The following ARHGAP44 variants were observed in gnomAD, a reference collection of about 807,000 sequenced individuals.
ARHGAP44 encodes the protein Rho GTPase activating protein 44.
ARHGAP44 carries 43 observed loss-of-function variants against 106.8 expected under a neutral mutation model. That is an observed-to-expected ratio of 0.40 (90% CI 0.32 to 0.52). The LOEUF is 0.52. Ranked by LOEUF, ARHGAP44 falls within the 20% of genes least tolerant of loss-of-function variation. ARHGAP44 has a pLI of 0.48. For synonymous variants in ARHGAP44, 439 were observed against 410.3 expected, an observed-to-expected ratio of 1.07 and a Z score of -0.85; for missense variants, 866 against 1,050.5, an observed-to-expected ratio of 0.82 and a Z score of 2.43.
At chr17:12,906,872 C>T (rs2037565953) in intron 3 of ARHGAP44, among the ~76,000 whole-genome samples, 1 of 151,680 alleles carries the variant, frequency 6.6e-6, no homozygotes, top group Non-Finnish European at 1.5e-5. Flanking sequence ...CTTAGGAGCT[C>T]GAGGCTTCAG....
In ARHGAP44 at chr17:12,799,950, T is replaced by C. The variant is rs1467723799; in HGVS notation, c.53+10059T>C. Among the ~76,000 whole-genome samples the C allele has an allele frequency of 2.0e-5, 3 of 152,156 alleles. No homozygotes were observed. The South Asian group carries it at 6.2e-4, about 32-fold the overall frequency. The stretch of plus-strand genomic sequence containing the variant: ...GGCCAGAGAAAATTAATTTTTTGTT[T>C]TGAGCCCTTTCTACAATAGGGAGAG... On this transcript the variant is annotated intron_variant, in intron 1 of 20. Transcript: ENST00000379672.
Position 12,956,760 on chromosome 17 carries a change from C to T in ARHGAP44, c.1342+14C>T, listed in dbSNP as rs757100360. ...TCTTCCCTGGGGGTAGGTGACAGCA[C>T]CTAGGTGTGGGGGCAAGAGGCAGGG... On this transcript the variant is annotated intron_variant, in intron 15 of 20. Transcript: ENST00000379672. 2 of 1,611,658 alleles carry T rather than the reference C, an allele frequency of 1.2e-6. No homozygotes were observed. Among genetic ancestry groups the T allele is most frequent in the Non-Finnish European group, 8.5e-7 (1 of 1,178,004 alleles).
chr17:12,896,628 G>C, intron 3 of ARHGAP44, 117 bp downstream of exon 3: 1 of 858,280 alleles, frequency 1.2e-6, no homozygotes, highest in South Asian at 1.6e-5. Context: ...CCTGAGAATT[G>C]ACTCAGCAGC....
At chr17:12,836,892 A>G (rs2035254300) in intron 1 of ARHGAP44, among the ~76,000 whole-genome samples, 1 of 152,224 alleles carries the variant, frequency 6.6e-6, no homozygotes, top group East Asian at 1.9e-4. Flanking sequence ...AGCAAGGACA[A>G]AGGAGAACTG....
intron 1 of ARHGAP44, among the ~76,000 whole-genome samples, chr17:12,894,582 A>G (rs2150918633): frequency 6.6e-6 from 1 of 152,248 alleles, no homozygotes; most frequent in Non-Finnish European, 1.5e-5. Context: ...CCTTTCTCAG[A>G]TTTCTGCTAC....
intron 1 of ARHGAP44, among the ~76,000 whole-genome samples, chr17:12,850,327 C>T (rs539598236): frequency 1.3e-4 from 20 of 152,282 alleles, no homozygotes; most frequent in African/African-American, 4.8e-4. Context: ...CCTTTCTTTA[C>T]GCATTAATGG....
At chr17:12,850,203 T>C (rs1166224526) in intron 1 of ARHGAP44, among the ~76,000 whole-genome samples, 1 of 152,160 alleles carries the variant, frequency 6.6e-6, no homozygotes, top group East Asian at 1.9e-4. Flanking sequence ...TGTGAAAGTG[T>C]AGACTGATGA....
intron 13 of ARHGAP44, among the ~76,000 whole-genome samples, chr17:12,954,144 C>T (rs757371518): frequency 1.3e-5 from 2 of 151,852 alleles, no homozygotes; most frequent in Non-Finnish European, 2.9e-5. Context: ...GTGATCCGCC[C>T]GCCTCGGCCT....
intron 1 of ARHGAP44, among the ~76,000 whole-genome samples, chr17:12,807,894 G>T (rs201124311): frequency 2.6e-5 from 4 of 152,168 alleles, no homozygotes. Context: ...CTGCCTATGA[G>T]CCTGTAAAAC....
chr17:12,953,630 A>G (rs2039052907), intron 13 of ARHGAP44, among the ~76,000 whole-genome samples: 1 of 152,244 alleles, frequency 6.6e-6, no homozygotes, highest in Non-Finnish European at 1.5e-5. Context: ...ATGTCCGTCT[A>G]CAGATAAGTG....
intron 13 of ARHGAP44, among the ~76,000 whole-genome samples, chr17:12,953,747 A>G (rs2039056579): frequency 6.6e-6 from 1 of 152,204 alleles, no homozygotes; most frequent in Non-Finnish European, 1.5e-5. Flanking sequence ...CCAAACACAA[A>G]AGGACAAATG....
intron 1 of ARHGAP44, among the ~76,000 whole-genome samples, chr17:12,841,637 C>CACACAAAAAA (rs1555546100): frequency 9.8e-6 from 1 of 101,618 alleles, no homozygotes; most frequent in African/African-American, 3.7e-5. Context: ...CACACACACA[C>CACACAAAAAA]ACAAACAAAC....
intron 10 of ARHGAP44, among the ~76,000 whole-genome samples, chr17:12,944,780 C>A (rs895584746): frequency 6.6e-6 from 1 of 151,756 alleles, no homozygotes; most frequent in Non-Finnish European, 1.5e-5. Context: ...TGAGCCACTG[C>A]GCCCGACCCT....
intron 20 of ARHGAP44, chr17:12,987,133 G>A (rs1213063324): frequency 4.9e-5 from 75 of 1,534,028 alleles, no homozygotes; most frequent in Non-Finnish European, 5.8e-5. Flanking sequence ...TTTTGGATAC[G>A]TGTGAGGGGG....
chr17:12,820,177 T>C (rs2034724739), intron 1 of ARHGAP44, among the ~76,000 whole-genome samples: 1 of 152,150 alleles, frequency 6.6e-6, no homozygotes, highest in Non-Finnish European at 1.5e-5. Context: ...CTGTCACAAA[T>C]CAGTTGATAG....
intron 1 of ARHGAP44, among the ~76,000 whole-genome samples, chr17:12,791,331 T>C (rs2150747935): frequency 6.6e-6 from 1 of 152,312 alleles, no homozygotes; most frequent in East Asian, 1.9e-4. Context: ...TTTTGATGTG[T>C]TGGATGCCGA....
chr17:12,800,007 G>A (rs750418280), intron 1 of ARHGAP44, among the ~76,000 whole-genome samples: 7 of 152,158 alleles, frequency 4.6e-5, no homozygotes, highest in Non-Finnish European at 1.0e-4. Context: ...CTATCCTACT[G>A]TACTGGAATG....
intron 1 of ARHGAP44, among the ~76,000 whole-genome samples, chr17:12,858,883 G>A (rs1418605460): frequency 1.3e-5 from 2 of 152,190 alleles, no homozygotes; most frequent in African/African-American, 4.8e-5. Context: ...CGTCTTACAT[G>A]GTGGCAGGCA....
In ARHGAP44 at chr17:12,938,806, G is replaced by A. The variant is rs115769191; in HGVS notation, c.583-2250G>A. On this transcript the variant is annotated intron_variant, in intron 7 of 20. Coordinates refer to ENST00000379672, the MANE Select transcript of ARHGAP44 (RefSeq NM_014859.6). ...TTGATTTATAGTTTCCTTACTTGAA[G>A]TGTGATTTTTTTGGAATCCATATTG... 4.3e-3 allele frequency among the ~76,000 whole-genome samples: 661 copies of A among 152,282 alleles called. 5 individuals carry two copies. The highest frequency in any genetic ancestry group is 0.015 in the African/African-American group (627 of 41,556).
Sources: gnomAD v4.1 joint callset for allele counts (sites outside exome capture counted in the v4.1 genomes callset) on GRCh38, gnomAD v4.1.1 for gene constraint, MANE v1.5 for transcripts, NCBI Gene and HGNC (gene_info 2026-07-23, HGNC 2026-07-21) for gene names.